The following TNR variants were observed in gnomAD, a reference collection of about 807,000 sequenced individuals.
TNR encodes the protein tenascin-R.
TNR carries 45 observed loss-of-function variants against 150.4 expected under a neutral mutation model. The ratio of observed to expected loss-of-function variants is 0.30; its 90% CI spans 0.24 to 0.38. The LOEUF (loss-of-function observed/expected upper bound fraction) is 0.38, where lower values mean the gene tolerates loss of function less well. Ranked by LOEUF, TNR falls within the 10% of genes least tolerant of loss-of-function variation. TNR has a pLI of 1.00. For synonymous variants in TNR, 687 were observed against 678.4 expected, an observed-to-expected ratio of 1.01 and a Z score of -0.20; for missense variants, 1,544 against 1,759.1, an observed-to-expected ratio of 0.88 and a Z score of 2.19.
intron 2 of TNR, among the ~76,000 whole-genome samples, chr1:175,412,826 A>G (rs1219495387): frequency 2.0e-5 from 3 of 152,198 alleles, no homozygotes; most frequent in Non-Finnish European, 4.4e-5. Context: ...TGAAGGGGGA[A>G]GTGAAACTAA....
At chr1:175,737,825 T>C (rs1667815108) in intron 1 of TNR, among the ~76,000 whole-genome samples, 1 of 152,168 alleles carries the variant, frequency 6.6e-6, no homozygotes, top group Non-Finnish European at 1.5e-5. Flanking sequence ...GCTGGAACCC[T>C]TCAATAAACT....
intron 4 of TNR, among the ~76,000 whole-genome samples, chr1:175,399,597 C>G (rs1236908245): frequency 6.6e-6 from 1 of 152,214 alleles, no homozygotes; most frequent in Non-Finnish European, 1.5e-5. Context: ...ACTATGTACA[C>G]TAGGCATCAG....
chr1:175,430,733 T>A (rs2102070333), intron 2 of TNR, among the ~76,000 whole-genome samples: 1 of 152,310 alleles, frequency 6.6e-6, no homozygotes, highest in South Asian at 2.1e-4. Context: ...GATAACCATG[T>A]TTTTCACTGA....
intron 8 of TNR, among the ~76,000 whole-genome samples, chr1:175,380,481 G>A (rs1652621011): frequency 6.6e-6 from 1 of 151,822 alleles, no homozygotes; most frequent in Non-Finnish European, 1.5e-5. Context: ...TGAGGCAGGA[G>A]AATGGTGTGA....
chr1:175,460,890 T>C (rs1410321911), intron 2 of TNR, among the ~76,000 whole-genome samples: 1 of 152,114 alleles, frequency 6.6e-6, no homozygotes, highest in Non-Finnish European at 1.5e-5. Context: ...CACACACACA[T>C]ACATGCACCC....
intron 1 of TNR, among the ~76,000 whole-genome samples, chr1:175,564,578 C>A (rs1465087547): frequency 6.6e-6 from 1 of 151,982 alleles, no homozygotes; most frequent in Non-Finnish European, 1.5e-5. Flanking sequence ...GGGGACAGCT[C>A]CAGAATTTCC....
At chr1:175,377,125 A>C (rs930979282) in intron 9 of TNR, among the ~76,000 whole-genome samples, 1 of 152,140 alleles carries the variant, frequency 6.6e-6, no homozygotes, top group Non-Finnish European at 1.5e-5. Flanking sequence ...GCAGGTTTTC[A>C]AACTCCACAA....
chr1:175,571,863 AG>A (rs1661885305), intron 1 of TNR, among the ~76,000 whole-genome samples: 1 of 152,212 alleles, frequency 6.6e-6, no homozygotes, highest in South Asian at 2.1e-4. Flanking sequence ...GGACTGTCAA[AG>A]GCAACCCTGG....
rs919230435 is a variant in TNR at position 175,318,212 on chromosome 1, C to T, written c.*5145G>A. The T allele has an allele frequency of 4.6e-5, 7 of 152,236 alleles. No homozygotes were observed. Among genetic ancestry groups the T allele is most frequent in the African/African-American group, 7.2e-5 (3 of 41,454 alleles). 9.4% of individuals were successfully genotyped at this position (152,236 alleles called of 1,614,324 possible). A position where few individuals can be genotyped will look rare whatever the true frequency, so the allele number is the denominator to read the frequency against. ...TCTGGTGGGAGGCTGGAGGCCAGAA[C>T]GTGAGAAGCCAATGCTGCTTCCTCT... On this transcript the variant is annotated 3_prime_UTR_variant, in exon 23 of 23. Coordinates refer to ENST00000367674, the MANE Select transcript of TNR (RefSeq NM_003285.3).
chr1:175,539,882 T>G (rs1660435296), intron 1 of TNR, among the ~76,000 whole-genome samples: 1 of 152,142 alleles, frequency 6.6e-6, no homozygotes, highest in African/African-American at 2.4e-5. Flanking sequence ...TAAACTAGTC[T>G]CATAAGTTAT....
chr1:175,585,941 G>A (rs1311325411), intron 1 of TNR, among the ~76,000 whole-genome samples: 2 of 152,216 alleles, frequency 1.3e-5, no homozygotes, highest in Non-Finnish European at 2.9e-5. Context: ...CAGCTAGGAT[G>A]CCCTAAGCAC....
chr1:175,408,697 A>C (rs1051979808), intron 2 of TNR, among the ~76,000 whole-genome samples: 3 of 152,202 alleles, frequency 2.0e-5, no homozygotes, highest in Admixed American at 1.3e-4. Context: ...AATGGTACTT[A>C]TCTTACAAGG....
At chr1:175,505,921 T>C (rs970116234) in intron 2 of TNR, among the ~76,000 whole-genome samples, 1 of 152,012 alleles carries the variant, frequency 6.6e-6, no homozygotes, top group African/African-American at 2.4e-5. Context: ...ATGCCTATAA[T>C]CCCAGCTACT....
At chr1:175,452,803 A>G (rs938270086) in intron 2 of TNR, among the ~76,000 whole-genome samples, 1 of 152,250 alleles carries the variant, frequency 6.6e-6, no homozygotes, top group Non-Finnish European at 1.5e-5. Context: ...GAAAAAGCTC[A>G]AATGTCCATT....
intron 1 of TNR, among the ~76,000 whole-genome samples, chr1:175,626,018 A>G (rs990087429): frequency 6.6e-6 from 1 of 152,028 alleles, no homozygotes; most frequent in Admixed American, 6.6e-5. Flanking sequence ...TGCTATTCTC[A>G]TGATAGTGAA....
chr1:175,593,730 T>A (rs1662897798), intron 1 of TNR, among the ~76,000 whole-genome samples: 2 of 152,158 alleles, frequency 1.3e-5, no homozygotes, highest in South Asian at 4.1e-4. Flanking sequence ...CCCTCTTCTA[T>A]TGTCTGCACA....
intron 1 of TNR, among the ~76,000 whole-genome samples, chr1:175,742,031 T>A (rs1667944446): frequency 6.6e-6 from 1 of 152,130 alleles, no homozygotes; most frequent in Non-Finnish European, 1.5e-5. Flanking sequence ...ACTTGAATGA[T>A]TGAAGGAAAT....
At position 175,529,164 on chromosome 1, in the gene TNR, C is replaced by A. The variant is rs977590644; in HGVS notation, c.-164-795G>T. Among the ~76,000 whole-genome samples, 8 of 152,284 alleles carry A rather than the reference C, an allele frequency of 5.3e-5. No individual in the cohort carries two copies. The South Asian group carries it at 1.5e-3, about 28-fold the overall frequency. On this transcript the variant is annotated intron_variant, in intron 1 of 22. Coordinates refer to ENST00000367674, the MANE Select transcript of TNR (RefSeq NM_003285.3). Reference sequence around the variant, plus strand: ...ACAGTTGGTGGCTCGATAATTATGCCTTCAAGGGCTTGCTTCTCACAAACC... The same window carrying A: ...ACAGTTGGTGGCTCGATAATTATGCATTCAAGGGCTTGCTTCTCACAAACC...
intron 1 of TNR, among the ~76,000 whole-genome samples, chr1:175,558,211 A>T (rs1221143723): frequency 1.4e-5 from 2 of 147,770 alleles, no homozygotes; most frequent in Non-Finnish European, 3.0e-5. Flanking sequence ...AGCATGGCAC[A>T]TGTATACATA....
Sources: gnomAD v4.1 joint callset for allele counts (sites outside exome capture counted in the v4.1 genomes callset) on GRCh38, gnomAD v4.1.1 for gene constraint, MANE v1.5 for transcripts, NCBI Gene and HGNC (gene_info 2026-07-23, HGNC 2026-07-21) for gene names.